Variants in AKNAD1 observed in about 807,000 individuals in gnomAD.
AKNAD1 encodes the protein AKNA domain containing 1.
Under a neutral mutation model 90.8 loss-of-function variants are expected in AKNAD1, and 67 were observed. The ratio of observed to expected loss-of-function variants is 0.74; its 90% CI spans 0.61 to 0.90. The LOEUF (loss-of-function observed/expected upper bound fraction) is 0.90. Ranked by LOEUF, AKNAD1 falls within the 40% of genes least tolerant of loss-of-function variation. The pLI is 0.00. For missense variants in AKNAD1, 957 were observed against 975.4 expected (o/e 0.98, Z 0.25); for synonymous variants, 327 against 341.4 (o/e 0.96, Z 0.46).
chr1:108,823,588 G>T lies in AKNAD1; in HGVS notation c.2037C>A (p.Ala679=), dbSNP rs1663893315. 1 of 1,614,020 alleles carries T rather than the reference G, an allele frequency of 6.2e-7. No homozygotes were observed. The highest frequency in any genetic ancestry group is 8.5e-7 in the Non-Finnish European group (1 of 1,180,034). ...CGTKIPTSRR[A]CRKEPTKEFH... ...TACCTTTAGTTGGTTCTTTCCTGCA[G>T]GCTCTTCGGGAGGTAGGAATCTTAG... Residue 679 remains alanine (A), a synonymous_variant, in exon 12 of 16, where the codon GCC becomes GCA. Coordinates refer to ENST00000370001, the MANE Select transcript of AKNAD1 (RefSeq NM_152763.5).
intron 9 of AKNAD1, among the ~76,000 whole-genome samples, chr1:108,832,975 A>G (rs1262457132): frequency 1.3e-5 from 2 of 152,198 alleles, no homozygotes; most frequent in Non-Finnish European, 2.9e-5. Flanking sequence ...CTAGGGTTTT[A>G]TTCTAAGGAA....
chr1:108,830,810 A>C (rs1308604541), intron 9 of AKNAD1, 160 bp from the exon 10 acceptor site: 2 of 659,132 alleles, frequency 3.0e-6, no homozygotes, highest in Non-Finnish European at 5.4e-6. Context: ...AGGGAGGCGC[A>C]GGGGGACAGG....
In AKNAD1 at chr1:108,817,040, G is replaced by C. The variant is rs1663634336; in HGVS notation, c.2379+8C>G. On this transcript the variant is annotated splice_region_variant and intron_variant, in intron 15 of 15. Transcript: ENST00000370001. Reference sequence around the variant, plus strand: ...CAATGCTTCTCGAATGATTTTCTAAGTCCTCACCTCAGATTTTATTTCTTC... The same window carrying C: ...CAATGCTTCTCGAATGATTTTCTAACTCCTCACCTCAGATTTTATTTCTTC... 5.0e-6 allele frequency: 8 copies of C among 1,613,752 alleles called. No individual in the cohort carries two copies. In the East Asian group the frequency reaches 1.8e-4, roughly 36 times the overall value.
At chr1:108,820,007 C>T (rs992530993) in intron 14 of AKNAD1, among the ~76,000 whole-genome samples, 4 of 151,688 alleles carry the variant, frequency 2.6e-5, no homozygotes, top group African/African-American at 4.8e-5. Flanking sequence ...AGTCTCTGTA[C>T]GGTCTGGCCC....
chr1:108,851,396 C>G (rs914237437), intron 2 of AKNAD1, among the ~76,000 whole-genome samples: 5 of 152,328 alleles, frequency 3.3e-5, no homozygotes, highest in African/African-American at 1.2e-4. Flanking sequence ...CAGATGACTC[C>G]TGAAGGAAGG....
intron 7 of AKNAD1, among the ~76,000 whole-genome samples, chr1:108,835,826 A>C (rs1462184439): frequency 6.6e-6 from 1 of 151,922 alleles, no homozygotes; most frequent in Non-Finnish European, 1.5e-5. Flanking sequence ...GGGTTTCACC[A>C]TGTTGGCCAG....
chr1:108,858,222 T>A (rs572935831), upstream of AKNAD1: 1 of 152,748 alleles, frequency 6.5e-6, no homozygotes, highest in South Asian at 2.1e-4. Flanking sequence ...GCGTGCCTGC[T>A]TCTTCTGGGT....
At chr1:108,843,294 T>C in intron 5 of AKNAD1, 27 bp from the exon 6 acceptor site, 1 of 1,611,670 alleles carries the variant, frequency 6.2e-7, no homozygotes, top group Non-Finnish European at 8.5e-7. Context: ...ACTGGAATCA[T>C]TCACATGCAA....
At chr1:108,849,251 C>CG (rs1664785320) in intron 3 of AKNAD1, among the ~76,000 whole-genome samples, 191 bp from the exon 4 acceptor site, 1 of 151,922 alleles carries the variant, frequency 6.6e-6, no homozygotes, top group Non-Finnish European at 1.5e-5. Context: ...GAGGCCAAAG[C>CG]GGGGGGATCA....
At chr1:108,848,637 G>A (rs1411341294) in intron 5 of AKNAD1, 115 bp downstream of exon 5, 2 of 932,936 alleles carry the variant, frequency 2.1e-6, no homozygotes, top group African/African-American at 3.3e-5. Flanking sequence ...TTAATCTTTA[G>A]CAAAACATTT....
chr1:108,849,592 G>T lies in AKNAD1; in HGVS notation c.994-16C>A. 6.4e-7 allele frequency: 1 copy of T among 1,571,668 alleles called. No homozygotes were observed. Among genetic ancestry groups the T allele is most frequent in the South Asian group, 1.1e-5 (1 of 90,044 alleles). On this transcript the variant is annotated splice_polypyrimidine_tract_variant and intron_variant, in intron 2 of 15. Transcript: ENST00000370001. ...TGGGCTCCATCTGCACAATTAAAGGGTAAGAAAACGTTACTGTCGATATTG... is the reference window on the plus strand; with the variant it reads ...TGGGCTCCATCTGCACAATTAAAGGTTAAGAAAACGTTACTGTCGATATTG...
chr1:108,835,073 G>T lies in AKNAD1; in HGVS notation c.1537-17C>A. The T allele has an allele frequency of 6.4e-7, 1 of 1,568,178 alleles. No homozygotes were observed. The highest frequency in any genetic ancestry group is 1.2e-5 in the South Asian group (1 of 85,196). On this transcript the variant is annotated splice_polypyrimidine_tract_variant and intron_variant, in intron 7 of 15. Transcript: ENST00000370001. The stretch of plus-strand genomic sequence containing the variant: ...CTTGGGAATCTGGGGGAGCCACACA[G>T]AAAGACTTGAATTAGAGCCACAGTC...
rs754895224 is a variant in AKNAD1, at chr1:108,848,814, C to A, written c.1183G>T (p.Val395Leu). 1.1e-5 allele frequency: 17 copies of A among 1,609,954 alleles called. No individual in the cohort carries two copies. In the Admixed American group the frequency reaches 2.9e-4, roughly 27 times the overall value. The change falls in exon 5 of 16, where the codon GTA becomes TTA. Residue 395 changes from valine to leucine, a missense_variant and splice_region_variant. By Grantham distance (32) the Val-to-Leu change is conservative (BLOSUM62 1). Coordinates refer to ENST00000370001, the MANE Select transcript of AKNAD1 (RefSeq NM_152763.5). ...KEQTDQLKTK[V>L]QEFSKRIKQD... is the part of the protein sequence containing the mutation. ...TTTATTCTTTTGGAAAATTCTTGTA[C>A]CTGCAGTGAAAAAATTACAATCTCT...
chr1:108,843,099 A>C (rs374644565), intron 6 of AKNAD1, 35 bp downstream of exon 6: 7 of 1,609,010 alleles, frequency 4.4e-6, no homozygotes, highest in Non-Finnish European at 5.9e-6. Flanking sequence ...ATCACCTTTG[A>C]CCCTTCCACC....
chr1:108,846,490 C>T (rs1664704946), intron 5 of AKNAD1, among the ~76,000 whole-genome samples: 1 of 152,112 alleles, frequency 6.6e-6, no homozygotes, highest in Admixed American at 6.5e-5. Flanking sequence ...CTTCCAGATC[C>T]ACCACTTCAA....
At chr1:108,818,405 A>G (rs2101154017) in intron 14 of AKNAD1, among the ~76,000 whole-genome samples, 1 of 152,140 alleles carries the variant, frequency 6.6e-6, no homozygotes, top group East Asian at 1.9e-4. Flanking sequence ...CGGGGCCCCT[A>G]ACTAATGAAA....
At chr1:108,852,842 T>C (rs900921864) in intron 1 of AKNAD1, 75 bp from the exon 2 acceptor site, 8 of 521,068 alleles carry the variant, frequency 1.5e-5, no homozygotes, top group Admixed American at 1.2e-4. Context: ...ACAAAGTGGA[T>C]GTTTTTTTAA....
At chr1:108,837,073 A>G (rs1234672787) in intron 7 of AKNAD1, 1 of 152,978 alleles carries the variant, frequency 6.5e-6, no homozygotes, top group Admixed American at 6.5e-5. Context: ...TCTACCAAAA[A>G]TATAAAAAAT....
intron 1 of AKNAD1, among the ~76,000 whole-genome samples, chr1:108,855,346 G>A (rs950822398): frequency 2.6e-5 from 4 of 152,130 alleles, no homozygotes; most frequent in African/African-American, 9.7e-5. Context: ...CCGGGAGGCA[G>A]AGGTTGCAGT....
Sources: allele counts gnomAD v4.1 joint callset (sites outside exome capture counted in the v4.1 genomes callset), GRCh38; gene constraint gnomAD v4.1.1; transcripts MANE v1.5; gene names NCBI Gene and HGNC (gene_info 2026-07-23, HGNC 2026-07-21).